The following PARD3 variants were observed in gnomAD, a reference collection of about 807,000 sequenced individuals.
PARD3 encodes partitioning defective 3 homolog.
PARD3 carries 75 observed loss-of-function variants against 155.4 expected under a neutral mutation model. The ratio of observed to expected loss-of-function variants is 0.48; its 90% CI spans 0.40 to 0.58. PARD3 has a LOEUF of 0.58. Ranked by LOEUF, PARD3 falls within the 20% of genes least tolerant of loss-of-function variation. The pLI is 0.00. For missense variants in PARD3, 1,642 were observed against 1,721.7 expected (o/e 0.95, Z 0.82); for synonymous variants, 576 against 610.5 (o/e 0.94, Z 0.83).
intron 2 of PARD3, among the ~76,000 whole-genome samples, chr10:34,686,367 T>C (rs1257326209): frequency 6.6e-6 from 1 of 151,800 alleles, no homozygotes; most frequent in Non-Finnish European, 1.5e-5. Context: ...AAACTGGCCA[T>C]AGTTGAAAAT....
At chr10:34,793,587 G>A (rs910319500) in intron 1 of PARD3, among the ~76,000 whole-genome samples, 2 of 152,174 alleles carry the variant, frequency 1.3e-5, no homozygotes, top group Admixed American at 1.3e-4. Context: ...AGGAGTTTGA[G>A]ACCAGCCTGA....
intron 22 of PARD3, among the ~76,000 whole-genome samples, chr10:34,267,433 ATT>A (rs1258619517): frequency 6.6e-6 from 1 of 152,212 alleles, no homozygotes; most frequent in Non-Finnish European, 1.5e-5. Context: ...AATTTACATT[ATT>A]CAGTCATTAT....
chr10:34,225,067 A>C (rs1448372940), intron 22 of PARD3, among the ~76,000 whole-genome samples: 2 of 152,200 alleles, frequency 1.3e-5, no homozygotes, highest in African/African-American at 4.8e-5. Flanking sequence ...TATTTAATCA[A>C]ATTTAACCAA....
chr10:34,627,317 C>T (rs775883900), intron 2 of PARD3, among the ~76,000 whole-genome samples: 5 of 152,208 alleles, frequency 3.3e-5, no homozygotes, highest in Non-Finnish European at 5.9e-5. Context: ...CATGAGCCAC[C>T]GTGCCCAGCT....
At chr10:34,347,848 AT>A (rs1837593718) in intron 15 of PARD3, 116 bp downstream of exon 15, 6 of 712,792 alleles carry the variant, frequency 8.4e-6, no homozygotes, top group Non-Finnish European at 1.2e-5. Context: ...AAACATTAAT[AT>A]TTTTATTTAC....
intron 3 of PARD3, among the ~76,000 whole-genome samples, chr10:34,503,752 A>C (rs1589804599): frequency 1.3e-5 from 2 of 152,310 alleles, no homozygotes; most frequent in East Asian, 3.9e-4. Context: ...TAGAAAATTT[A>C]AGGTGCAGAA....
intron 20 of PARD3, among the ~76,000 whole-genome samples, chr10:34,298,175 T>C (rs1273834070): frequency 1.3e-5 from 2 of 152,256 alleles, no homozygotes; most frequent in African/African-American, 2.4e-5. Flanking sequence ...GCTATTTTAT[T>C]ATCATTGTTA....
chr10:34,516,104 A>G lies in PARD3; in HGVS notation c.403+875T>C, dbSNP rs190612615. 3.6e-3 allele frequency among the ~76,000 whole-genome samples: 552 copies of G among 152,108 alleles called. 2 individuals are homozygous for G. Among genetic ancestry groups the G allele is most frequent in the African/African-American group, 0.012 (487 of 41,482 alleles). On this transcript the variant is annotated intron_variant, in intron 3 of 24. Transcript: ENST00000374788. Reference sequence around the variant, plus strand: ...TTCAGCCTCCCAAGTAGCTGGGATTACAGGCAACCGCCACCACGCCTGGCT... The same window carrying G: ...TTCAGCCTCCCAAGTAGCTGGGATTGCAGGCAACCGCCACCACGCCTGGCT...
intron 2 of PARD3, among the ~76,000 whole-genome samples, chr10:34,570,274 G>T (rs2086285512): frequency 6.6e-6 from 1 of 152,248 alleles, no homozygotes; most frequent in East Asian, 1.9e-4. Context: ...GAAGGTTGGG[G>T]TACCAAGGAC....
chr10:34,616,307 ACT>A (rs898984247), intron 2 of PARD3, among the ~76,000 whole-genome samples: 9 of 151,600 alleles, frequency 5.9e-5, no homozygotes, highest in Non-Finnish European at 1.2e-4. Flanking sequence ...ACAGGGTGAG[ACT>A]CTCTCAAAAA....
intron 20 of PARD3, among the ~76,000 whole-genome samples, chr10:34,293,577 T>C (rs1191795692): frequency 6.6e-6 from 1 of 152,222 alleles, no homozygotes; most frequent in East Asian, 1.9e-4. Context: ...CCACTTAAAA[T>C]GATTTGGAGA....
intron 3 of PARD3, among the ~76,000 whole-genome samples, chr10:34,490,603 G>A (rs907101358): frequency 6.6e-6 from 1 of 152,104 alleles, no homozygotes; most frequent in Non-Finnish European, 1.5e-5. Context: ...TGTCAATATA[G>A]TCTTGTGTAT....
intron 2 of PARD3, among the ~76,000 whole-genome samples, chr10:34,682,097 T>C (rs115791669): frequency 1.8e-3 from 275 of 152,156 alleles, no homozygotes; most frequent in African/African-American, 6.0e-3. Flanking sequence ...CAACCTCAAG[T>C]TCCCAGCAGC....
intron 1 of PARD3, among the ~76,000 whole-genome samples, chr10:34,751,516 A>C (rs969086921): frequency 6.6e-6 from 1 of 152,164 alleles, no homozygotes; most frequent in Admixed American, 6.5e-5. Flanking sequence ...ATCCCTTCAG[A>C]GTCACCCTTT....
intron 5 of PARD3, among the ~76,000 whole-genome samples, chr10:34,405,755 A>G (rs12261090): frequency 0.041 from 6,194 of 152,268 alleles, 409 homozygotes; most frequent in African/African-American, 0.14. Context: ...ACCGCTAGCC[A>G]GAGTATCTTC....
intron 2 of PARD3, among the ~76,000 whole-genome samples, chr10:34,578,411 G>A (rs1264286274): frequency 6.6e-6 from 1 of 152,148 alleles, no homozygotes; most frequent in Non-Finnish European, 1.5e-5. Flanking sequence ...GCATAAATGG[G>A]TTAGAACATG....
At position 34,641,332 on chromosome 10, in the gene PARD3, G is replaced by A. The variant is rs551884522; in HGVS notation, c.222+54986C>T. Among the ~76,000 whole-genome samples the A allele has an allele frequency of 3.9e-5, 6 of 152,308 alleles. No homozygotes were observed. In the East Asian group the frequency reaches 1.2e-3, roughly 29 times the overall value. ...AGGTTCTCCCTCCCGGCACCTGCCCGCACCCTGAGCTGCCGGGGAAGCCTG... is the reference window on the plus strand; with the variant it reads ...AGGTTCTCCCTCCCGGCACCTGCCCACACCCTGAGCTGCCGGGGAAGCCTG... On this transcript the variant is annotated intron_variant, in intron 2 of 24. Coordinates refer to ENST00000374788, the MANE Select transcript of PARD3 (RefSeq NM_001184785.2).
At chr10:34,461,735 C>T (rs1219289801) in intron 4 of PARD3, among the ~76,000 whole-genome samples, 1 of 152,054 alleles carries the variant, frequency 6.6e-6, no homozygotes, top group Non-Finnish European at 1.5e-5. Flanking sequence ...TGGTTCTCTC[C>T]CCTAAGTCAA....
chr10:34,517,116 T>C lies in PARD3; in HGVS notation c.266A>G (p.Asp89Gly). The change falls in exon 3 of 25, where the codon GAT becomes GGT. Residue 89 changes from aspartate (D) to glycine (G), a missense_variant. Transcript: ENST00000374788. ...ACCCGTGGAACTGGCACTGGTGCCA[T>C]CACCTCCGTGATGTGGATCCTGCTC... ...FDEQDPHHGG[D>G]GTSASSTGTQ... is the part of the protein sequence containing the mutation. 6.2e-7 allele frequency: 1 copy of C among 1,614,096 alleles called. No homozygotes were observed. Among genetic ancestry groups the C allele is most frequent in the Non-Finnish European group, 8.5e-7 (1 of 1,179,956 alleles).
Sources: gnomAD v4.1 joint callset for allele counts (sites outside exome capture counted in the v4.1 genomes callset) on GRCh38, gnomAD v4.1.1 for gene constraint, MANE v1.5 for transcripts, NCBI Gene and HGNC (gene_info 2026-07-23, HGNC 2026-07-21) for gene names.